TPH2: variants seen among roughly 807,000 people sequenced by gnomAD.
TPH2 encodes the protein tryptophan hydroxylase 2.
Under a neutral mutation model 59.1 loss-of-function variants are expected in TPH2, and 27 were observed. That is an observed-to-expected ratio of 0.46 (90% CI 0.34 to 0.63). The LOEUF (loss-of-function observed/expected upper bound fraction) is 0.63, where lower values mean the gene tolerates loss of function less well. Among genes scored for constraint, TPH2 ranks in the 30% least tolerant of loss-of-function variants. The probability of loss-of-function intolerance (pLI) is 0.01; values close to 1 mark genes in which losing one functional copy is unlikely to be tolerated. For missense variants in TPH2, 523 were observed against 588.3 expected, an observed-to-expected ratio of 0.89 and a Z score of 1.15; for synonymous variants, 220 against 210.5, an observed-to-expected ratio of 1.05 and a Z score of -0.39.
chr12:71,954,310 T>C (rs892775798), intron 5 of TPH2, among the ~76,000 whole-genome samples: 1 of 152,108 alleles, frequency 6.6e-6, no homozygotes, highest in Non-Finnish European at 1.5e-5. Context: ...GAAGGCCTAA[T>C]TGCCTCACCA....
chr12:71,982,015 A>ATTTTTTTTTTGTTTTTTTTT (rs1872294133), intron 7 of TPH2, among the ~76,000 whole-genome samples: 1 of 60,492 alleles, frequency 1.7e-5, no homozygotes, highest in African/African-American at 6.1e-5. Context: ...TATCATTCGT[A>ATTTTTTTTTTGTTTTTTTTT]TTTTTTTTTT....
At chr12:72,015,359 A>G (rs1427151808) in intron 8 of TPH2, among the ~76,000 whole-genome samples, 2 of 121,818 alleles carry the variant, frequency 1.6e-5, no homozygotes, top group Admixed American at 2.3e-4. Context: ...TCACTCTGTC[A>G]CCCAGGCTGG....
intron 2 of TPH2, among the ~76,000 whole-genome samples, chr12:71,942,362 G>A (rs1342885052): frequency 1.3e-5 from 2 of 152,166 alleles, no homozygotes; most frequent in African/African-American, 4.8e-5. Flanking sequence ...GCCCAGAAAA[G>A]CTGTTGTGTT....
rs1449058633 is a variant in TPH2, at chr12:71,938,932, G to T, written c.-55G>T. On this transcript the variant is annotated 5_prime_UTR_variant, in exon 1 of 11. Transcript: ENST00000333850. Reference sequence around the variant, plus strand: ...CTTCCTCTCAATCTCCGCCAGCGCTGCTACTGCCCCTCTAGTACCCCCTGC... The same window carrying T: ...CTTCCTCTCAATCTCCGCCAGCGCTTCTACTGCCCCTCTAGTACCCCCTGC... The T allele has an allele frequency of 1.7e-5, 25 of 1,456,488 alleles. No homozygotes were observed. Among genetic ancestry groups the T allele is most frequent in the Non-Finnish European group, 2.4e-5 (25 of 1,038,424 alleles). 90.2% of individuals were successfully genotyped at this position (1,456,488 alleles called of 1,614,324 possible).
At chr12:71,999,322 A>G (rs1182817661) in intron 8 of TPH2, among the ~76,000 whole-genome samples, 1 of 152,234 alleles carries the variant, frequency 6.6e-6, no homozygotes, top group Non-Finnish European at 1.5e-5. Flanking sequence ...TTGTATCTGA[A>G]GAAATTGATG....
At chr12:71,974,515 G>T (rs1872061565) in intron 6 of TPH2, among the ~76,000 whole-genome samples, 1 of 130,902 alleles carries the variant, frequency 7.6e-6, no homozygotes, top group Non-Finnish European at 1.7e-5. Flanking sequence ...TGACCCTTCT[G>T]CCTCCCTCTG....
At chr12:72,007,100 T>C (rs561357900) in intron 8 of TPH2, among the ~76,000 whole-genome samples, 21 of 152,296 alleles carry the variant, frequency 1.4e-4, no homozygotes, top group African/African-American at 4.6e-4. Flanking sequence ...CTATGCAGTT[T>C]ATATTACAAA....
intron 7 of TPH2, among the ~76,000 whole-genome samples, chr12:71,981,071 G>C (rs760498526): frequency 2.0e-5 from 3 of 152,200 alleles, no homozygotes; most frequent in South Asian, 2.1e-4. Context: ...GTCCTGAAAG[G>C]CTTTTCAGAG....
At chr12:72,008,651 A>G (rs1300197948) in intron 8 of TPH2, among the ~76,000 whole-genome samples, 1 of 152,168 alleles carries the variant, frequency 6.6e-6, no homozygotes, top group East Asian at 1.9e-4. Context: ...TTTATAGGTG[A>G]ATAAAGGGAG....
rs898488786 is a variant in TPH2 at position 72,032,181 on chromosome 12, T to C, written c.*486T>C. On this transcript the variant is annotated 3_prime_UTR_variant, in exon 11 of 11. Transcript: ENST00000333850. ...TCCCATCACAATAACAAAGGTTCAA[T>C]ATTCTATTTCAAAAATTGTTGAGGT... 1.1e-5 allele frequency: 2 copies of C among 174,878 alleles called. No individual in the cohort carries two copies. Among genetic ancestry groups the C allele is most frequent in the Admixed American group, 5.5e-5 (1 of 18,150 alleles). 10.8% of individuals were successfully genotyped at this position (174,878 alleles called of 1,614,324 possible).
chr12:71,959,082 C>G (rs2139192904), intron 5 of TPH2, among the ~76,000 whole-genome samples: 1 of 149,862 alleles, frequency 6.7e-6, no homozygotes, highest in South Asian at 2.1e-4. Flanking sequence ...TTTTTACCCT[C>G]CTCTTCCTGC....
chr12:72,028,322 C>T (rs996599351), intron 9 of TPH2, among the ~76,000 whole-genome samples: 1 of 152,144 alleles, frequency 6.6e-6, no homozygotes, highest in African/African-American at 2.4e-5. Context: ...AGAGAATCCA[C>T]TCTGGACATA....
chr12:71,979,203 G>GTGATGTGACTCTCACT, intron 7 of TPH2, 116 bp downstream of exon 7: 1 of 1,423,704 alleles, frequency 7.0e-7, no homozygotes, highest in Non-Finnish European at 9.8e-7. Context: ...GAGCTAGTGA[G>GTGATGTGACTCTCACT]AGTCACATCA....
intron 6 of TPH2, among the ~76,000 whole-genome samples, chr12:71,975,326 C>T (rs1314425710): frequency 6.6e-6 from 1 of 152,146 alleles, no homozygotes; most frequent in African/African-American, 2.4e-5. Flanking sequence ...GCCTGGGTGA[C>T]AGAGTGGGAC....
chr12:71,944,258 C>G, intron 2 of TPH2, 36 bp from the exon 3 acceptor site: 1 of 1,611,266 alleles, frequency 6.2e-7, no homozygotes, highest in Non-Finnish European at 8.5e-7. Context: ...TTTTATTGTC[C>G]CTGAAGGTGA....
intron 1 of TPH2, 107 bp from the exon 2 acceptor site, chr12:71,941,477 G>T: frequency 7.3e-7 from 1 of 1,373,626 alleles, no homozygotes; most frequent in Non-Finnish European, 1.0e-6. Flanking sequence ...TTGTATGATT[G>T]GTGGAGCTTC....
At chr12:71,984,681 A>G (rs1872380415) in intron 7 of TPH2, among the ~76,000 whole-genome samples, 1 of 152,204 alleles carries the variant, frequency 6.6e-6, no homozygotes, top group Admixed American at 6.5e-5. Flanking sequence ...CCTCCTGCTC[A>G]TCCACCTGGC....
At position 71,989,443 on chromosome 12, in the gene TPH2, C is replaced by T. The variant is rs550146126; in HGVS notation, c.942-4996C>T. Among the ~76,000 whole-genome samples the T allele has an allele frequency of 2.2e-3, 339 of 152,320 alleles. 4 individuals are homozygous for T. The highest frequency in any genetic ancestry group is 7.7e-3 in the African/African-American group (320 of 41,560). On this transcript the variant is annotated intron_variant, in intron 7 of 10. Coordinates refer to ENST00000333850, the MANE Select transcript of TPH2 (RefSeq NM_173353.4). ...CACCCTATTTTGGCTCCCAGCTCAT[C>T]CTCCTGCTTCCTTTTATTAATGCAA...
intron 7 of TPH2, among the ~76,000 whole-genome samples, chr12:71,983,537 G>A (rs912840516): frequency 4.6e-5 from 7 of 152,138 alleles, no homozygotes; most frequent in Admixed American, 3.9e-4. Flanking sequence ...ATCTTGAGAA[G>A]TTCTAAATCT....
Sources: allele counts gnomAD v4.1 joint callset (sites outside exome capture counted in the v4.1 genomes callset), GRCh38; gene constraint gnomAD v4.1.1; transcripts MANE v1.5; gene names NCBI Gene and HGNC (gene_info 2026-07-23, HGNC 2026-07-21).